Variants in MGMT observed in about 807,000 individuals in gnomAD.
MGMT encodes O-6-methylguanine-DNA methyltransferase.
MGMT carries 14 observed loss-of-function variants against 15.9 expected under a neutral mutation model. That is an observed-to-expected ratio of 0.88 (90% CI 0.58 to 1.37). MGMT has a LOEUF of 1.37. MGMT is among the 40% of genes most tolerant of loss of function. MGMT has a pLI of 0.00. For missense variants in MGMT, 282 were observed against 268.1 expected (o/e 1.05, Z -0.36); for synonymous variants, 130 against 118.2 (o/e 1.10, Z -0.65).
chr10:129,678,689 C>G (rs919197974), intron 2 of MGMT, among the ~76,000 whole-genome samples: 1 of 152,140 alleles, frequency 6.6e-6, no homozygotes, highest in African/African-American at 2.4e-5. Context: ...AAATCCACTC[C>G]CTAATGTTTT....
In MGMT at chr10:129,744,768, G is replaced by A. The variant is rs76770273; in HGVS notation, c.275-14434G>A. Among the ~76,000 whole-genome samples, 1,267 of 152,336 alleles carry A rather than the reference G, an allele frequency of 8.3e-3. 8 individuals carry two copies. The highest frequency in any genetic ancestry group is 0.054 in the Middle Eastern group (16 of 294). Reference sequence around the variant, plus strand: ...GCCCGCCACATCGCCAGCCGTGTGCGCAAGGTTTATCAGGTTCCTCTTGGC... The same window carrying A: ...GCCCGCCACATCGCCAGCCGTGTGCACAAGGTTTATCAGGTTCCTCTTGGC... On this transcript the variant is annotated intron_variant, in intron 3 of 4. Transcript: ENST00000651593.
chr10:129,626,456 T>G (rs1194595438), intron 2 of MGMT, among the ~76,000 whole-genome samples: 1 of 152,168 alleles, frequency 6.6e-6, no homozygotes, highest in Non-Finnish European at 1.5e-5. Context: ...GATTGGAATG[T>G]TTCTCCCTGG....
At chr10:129,562,717 G>C (rs920712302) in intron 2 of MGMT, among the ~76,000 whole-genome samples, 4 of 152,162 alleles carry the variant, frequency 2.6e-5, no homozygotes, top group African/African-American at 9.7e-5. Flanking sequence ...GCTGTGACTC[G>C]GCCACACGTG....
At chr10:129,616,901 C>T (rs535307044) in intron 2 of MGMT, among the ~76,000 whole-genome samples, 15 of 152,258 alleles carry the variant, frequency 9.9e-5, no homozygotes, top group Admixed American at 6.5e-4. Context: ...ACTCGCTTGA[C>T]GAGCCCAGAC....
chr10:129,684,948 C>T (rs575599388), intron 2 of MGMT, among the ~76,000 whole-genome samples: 58 of 152,334 alleles, frequency 3.8e-4, no homozygotes, highest in African/African-American at 1.2e-3. Flanking sequence ...TCTTTCTAAG[C>T]GATTTGCATC....
intron 2 of MGMT, among the ~76,000 whole-genome samples, chr10:129,593,034 G>C (rs1222492547): frequency 6.6e-6 from 1 of 152,162 alleles, no homozygotes; most frequent in Non-Finnish European, 1.5e-5. Context: ...CAAACACCAT[G>C]GTGGCCTCGG....
chr10:129,531,237 G>A (rs1211779986), intron 1 of MGMT, among the ~76,000 whole-genome samples: 4 of 152,114 alleles, frequency 2.6e-5, no homozygotes, highest in Non-Finnish European at 5.9e-5. Context: ...GGGGCATGGC[G>A]GTATTACTGT....
intron 1 of MGMT, among the ~76,000 whole-genome samples, chr10:129,497,815 T>G (rs1055104005): frequency 6.6e-6 from 1 of 152,170 alleles, no homozygotes; most frequent in Non-Finnish European, 1.5e-5. Context: ...GAGCTCACTG[T>G]CCTCTTCCAC....
At chr10:129,698,319 C>T (rs189303815) in intron 2 of MGMT, among the ~76,000 whole-genome samples, 3 of 152,300 alleles carry the variant, frequency 2.0e-5, no homozygotes, top group Admixed American at 1.3e-4. Flanking sequence ...TCCAGGCATG[C>T]AGTGTTGATC....
intron 2 of MGMT, among the ~76,000 whole-genome samples, chr10:129,609,802 G>A (rs971888042): frequency 3.8e-4 from 58 of 152,136 alleles, no homozygotes; most frequent in African/African-American, 1.3e-3. Context: ...AGAGGAGGAG[G>A]AGCAGTGCGG....
At chr10:129,728,803 C>T (rs1848462839) in intron 3 of MGMT, among the ~76,000 whole-genome samples, 1 of 151,728 alleles carries the variant, frequency 6.6e-6, no homozygotes, top group Admixed American at 6.6e-5. Context: ...TGAATGCCAG[C>T]CCCAATGCCC....
At position 129,544,301 on chromosome 10, in the gene MGMT, C is replaced by T. The variant is rs112872238; in HGVS notation, c.125+7924C>T. On this transcript the variant is annotated intron_variant, in intron 2 of 4. Coordinates refer to ENST00000651593, the MANE Select transcript of MGMT (RefSeq NM_002412.5). Reference sequence around the variant, plus strand: ...GGAAGTGGCAGCCACCGGATAGGCACGTTGCCGCCACAGCCAGCATCGGCG... The same window carrying T: ...GGAAGTGGCAGCCACCGGATAGGCATGTTGCCGCCACAGCCAGCATCGGCG... 8.7e-3 allele frequency among the ~76,000 whole-genome samples: 1,319 copies of T among 152,318 alleles called. 12 individuals are homozygous for T. The highest frequency in any genetic ancestry group is 0.03 in the African/African-American group (1,254 of 41,558).
intron 1 of MGMT, among the ~76,000 whole-genome samples, chr10:129,524,487 T>G: frequency 6.6e-6 from 1 of 152,112 alleles, no homozygotes; most frequent in African/African-American, 2.4e-5. Flanking sequence ...TCATATAGAT[T>G]TTTCTTTGGT....
intron 2 of MGMT, among the ~76,000 whole-genome samples, chr10:129,684,377 G>T (rs1847883847): frequency 6.6e-6 from 1 of 152,186 alleles, no homozygotes; most frequent in Admixed American, 6.5e-5. Flanking sequence ...ATGCAGGGGG[G>T]CCATCCCAGC....
At chr10:129,506,404 C>A (rs187006540) in intron 1 of MGMT, among the ~76,000 whole-genome samples, 2 of 152,148 alleles carry the variant, frequency 1.3e-5, no homozygotes, top group Non-Finnish European at 2.9e-5. Flanking sequence ...TTGTGTCTTT[C>A]CCATCACCCT....
At chr10:129,484,559 C>A (rs923316882) in intron 1 of MGMT, among the ~76,000 whole-genome samples, 2 of 151,930 alleles carry the variant, frequency 1.3e-5, no homozygotes, top group Admixed American at 6.6e-5. Flanking sequence ...TGTCCCAGTC[C>A]CCTTGTTTTA....
intron 4 of MGMT, among the ~76,000 whole-genome samples, chr10:129,761,979 G>T (rs1478551667): frequency 1.3e-5 from 2 of 152,218 alleles, no homozygotes; most frequent in Non-Finnish European, 2.9e-5. Context: ...TATGGTTCAG[G>T]TTGACAGCCT....
intron 2 of MGMT, among the ~76,000 whole-genome samples, chr10:129,680,918 C>T (rs756414706): frequency 2.6e-5 from 4 of 152,302 alleles, no homozygotes; most frequent in East Asian, 1.9e-4. Flanking sequence ...GCTTCCTGAG[C>T]GACCCCATCA....
At chr10:129,468,113 A>C (rs994188052) in intron 1 of MGMT, among the ~76,000 whole-genome samples, 1 of 152,154 alleles carries the variant, frequency 6.6e-6, no homozygotes, top group African/African-American at 2.4e-5. Flanking sequence ...TGAGAATTAG[A>C]CTGGTTATTT....
Sources: gnomAD v4.1 joint callset for allele counts (sites outside exome capture counted in the v4.1 genomes callset) on GRCh38, gnomAD v4.1.1 for gene constraint, MANE v1.5 for transcripts, NCBI Gene and HGNC (gene_info 2026-07-23, HGNC 2026-07-21) for gene names.